The following SYN3 variants were observed in gnomAD, a reference collection of about 807,000 sequenced individuals.
SYN3 encodes the protein synapsin-3.
In SYN3, 35 loss-of-function variants were observed where a neutral mutation model predicts 65.8. The ratio of observed to expected loss-of-function variants is 0.53; its 90% confidence interval spans 0.41 to 0.70. The LOEUF is 0.70. Among genes scored for constraint, SYN3 ranks in the 30% least tolerant of loss-of-function variants. The pLI, the probability that SYN3 is intolerant of heterozygous loss-of-function variation, is 0.00. For synonymous variants in SYN3, 270 were observed against 292.9 expected (o/e 0.92, Z 0.80); for missense variants, 680 against 749.0 (o/e 0.91, Z 1.08).
intron 6 of SYN3, among the ~76,000 whole-genome samples, chr22:32,718,214 T>C (rs918101876): frequency 1.3e-5 from 2 of 152,114 alleles, no homozygotes; most frequent in Non-Finnish European, 2.9e-5. Context: ...CTTACGGCCT[T>C]GCTTCCCATA....
Position 32,821,002 on chromosome 22 carries a change from GC to G in SYN3, c.711+43912del, listed in dbSNP as rs1330271185. Among the ~76,000 whole-genome samples the G allele has an allele frequency of 2.6e-5, 4 of 152,256 alleles. No individual in the cohort carries two copies. In the East Asian group the frequency reaches 7.7e-4, roughly 29 times the overall value. On this transcript the variant is annotated intron_variant, in intron 6 of 13. Transcript: ENST00000358763. ...ATGACCAATCCGAGAAACCCAGGTG[GC>G]TTCATGCTCTTTCAATATGATCTCA...
At chr22:32,592,457 TTC>T (rs1470603458) in intron 7 of SYN3, among the ~76,000 whole-genome samples, 1 of 152,226 alleles carries the variant, frequency 6.6e-6, no homozygotes, top group Non-Finnish European at 1.5e-5. Context: ...ATATTTTGAT[TTC>T]TGTTTCTCAT....
At chr22:33,056,383 A>C (rs2054253925) in intron 1 of SYN3, among the ~76,000 whole-genome samples, 1 of 152,158 alleles carries the variant, frequency 6.6e-6, no homozygotes, top group Non-Finnish European at 1.5e-5. Context: ...TCCCCCTCCA[A>C]GACCAAGACA....
intron 6 of SYN3, among the ~76,000 whole-genome samples, chr22:32,648,269 A>T (rs972748978): frequency 1.3e-5 from 2 of 152,244 alleles, no homozygotes; most frequent in African/African-American, 4.8e-5. Context: ...TGGAGCCCAT[A>T]GCAAGCAAGA....
chr22:32,686,359 G>A (rs1187031248), intron 6 of SYN3, among the ~76,000 whole-genome samples: 4 of 151,696 alleles, frequency 2.6e-5, no homozygotes, highest in African/African-American at 4.8e-5. Context: ...GGGATCTGAC[G>A]TAGACTGAGT....
intron 6 of SYN3, among the ~76,000 whole-genome samples, chr22:32,757,009 AG>A (rs2045309110): frequency 6.7e-6 from 1 of 150,166 alleles, no homozygotes; most frequent in African/African-American, 2.4e-5. Flanking sequence ...TTTCAAATAA[AG>A]CAAAGTATAA....
chr22:32,930,040 G>A (rs941421843), intron 4 of SYN3, among the ~76,000 whole-genome samples: 5 of 152,158 alleles, frequency 3.3e-5, no homozygotes, highest in South Asian at 4.1e-4. Flanking sequence ...CTAGCCCACC[G>A]TTACTGGAAA....
At chr22:32,961,584 C>T (rs1601793604) in intron 3 of SYN3, among the ~76,000 whole-genome samples, 3 of 152,212 alleles carry the variant, frequency 2.0e-5, no homozygotes, top group African/African-American at 7.2e-5. Context: ...TAAGTAGCCT[C>T]GTAGCAACCC....
At chr22:32,544,225 A>G (rs1371485835) in intron 7 of SYN3, among the ~76,000 whole-genome samples, 1 of 152,226 alleles carries the variant, frequency 6.6e-6, no homozygotes, top group Admixed American at 6.5e-5. Context: ...CACTCGAGCC[A>G]CTGCGCCTGG....
intron 6 of SYN3, among the ~76,000 whole-genome samples, chr22:32,637,140 G>C (rs1487397906): frequency 1.3e-5 from 2 of 152,194 alleles, no homozygotes; most frequent in African/African-American, 4.8e-5. Context: ...GAAGACGGTT[G>C]TGCCTGCAAT....
In SYN3 at chr22:32,635,486, A is replaced by T. The variant is rs530930135; in HGVS notation, c.712-38750T>A. ...CACTACCTTCACTTATTTCAACCCA[A>T]ATCAGAACATATCTGCAAACATTGG... On this transcript the variant is annotated intron_variant, in intron 6 of 13. Coordinates refer to ENST00000358763, the MANE Select transcript of SYN3 (RefSeq NM_003490.4). 2.0e-5 allele frequency among the ~76,000 whole-genome samples: 3 copies of T among 152,308 alleles called. No homozygotes were observed. In the East Asian group the frequency reaches 5.8e-4, roughly 29 times the overall value.
intron 3 of SYN3, among the ~76,000 whole-genome samples, chr22:32,939,150 G>T (rs866445049): frequency 3.9e-5 from 6 of 152,162 alleles, no homozygotes; most frequent in Middle Eastern, 3.4e-3. Flanking sequence ...TCCTATAAAA[G>T]ATTATTAACT....
rs2053196538 is a variant in SYN3, at chr22:33,006,393, T to C, written c.270A>G (p.Arg90=). The change falls in exon 2 of 14, where the codon AGA becomes AGG. Residue 90 remains arginine (R), a synonymous_variant. Coordinates refer to ENST00000358763, the MANE Select transcript of SYN3 (RefSeq NM_003490.4). ...CATCGATCACCAACAGGATCCTGGG[T>C]CTTTGAACAATGGGCGTGGAGGGAC... The part of the protein sequence containing the change: ...PPGPSTPIVQ[R]PRILLVIDDA... The C allele has an allele frequency of 3.1e-6, 5 of 1,613,902 alleles. No homozygotes were observed. The highest frequency in any genetic ancestry group is 1.7e-5 in the Admixed American group (1 of 59,982).
chr22:32,777,565 A>G (rs952779666), intron 6 of SYN3, among the ~76,000 whole-genome samples: 1 of 152,026 alleles, frequency 6.6e-6, no homozygotes, highest in Admixed American at 6.6e-5. Flanking sequence ...GCATCCATCC[A>G]TCCCTCATTC....
At chr22:32,700,846 T>C (rs2060801964) in intron 6 of SYN3, among the ~76,000 whole-genome samples, 1 of 152,250 alleles carries the variant, frequency 6.6e-6, no homozygotes, top group South Asian at 2.1e-4. Context: ...AGGTAACGCA[T>C]CTTCAAAACA....
At chr22:32,753,926 T>G (rs1467036232) in intron 6 of SYN3, among the ~76,000 whole-genome samples, 5 of 152,242 alleles carry the variant, frequency 3.3e-5, no homozygotes, top group African/African-American at 9.6e-5. Flanking sequence ...ATTTTCCATA[T>G]GAGAAATTGA....
At chr22:32,721,550 G>A (rs2061118298) in intron 6 of SYN3, among the ~76,000 whole-genome samples, 1 of 152,144 alleles carries the variant, frequency 6.6e-6, no homozygotes, top group African/African-American at 2.4e-5. Context: ...TTTATCAATG[G>A]GCAAATTGAA....
At chr22:32,908,316 C>A (rs2049957951) in intron 4 of SYN3, among the ~76,000 whole-genome samples, 1 of 151,438 alleles carries the variant, frequency 6.6e-6, no homozygotes, top group Admixed American at 6.6e-5. Flanking sequence ...GAATTCCTGA[C>A]CTCAAGTGAT....
intron 6 of SYN3, among the ~76,000 whole-genome samples, chr22:32,598,602 C>T (rs2059237023): frequency 1.3e-5 from 2 of 152,300 alleles, no homozygotes; most frequent in South Asian, 4.1e-4. Flanking sequence ...TCTCCTGCCT[C>T]AGCCTCCCAA....
Sources: allele counts gnomAD v4.1 joint callset (sites outside exome capture counted in the v4.1 genomes callset), GRCh38; gene constraint gnomAD v4.1.1; transcripts MANE v1.5; gene names NCBI Gene and HGNC (gene_info 2026-07-23, HGNC 2026-07-21).